Variants in PCDH15 observed in about 807,000 individuals in gnomAD.
PCDH15 encodes the protein protocadherin-15.
In PCDH15, 129 loss-of-function variants were observed where a neutral mutation model predicts 178.5. That is an observed-to-expected ratio of 0.72 (90% CI 0.63 to 0.84). The LOEUF (loss-of-function observed/expected upper bound fraction) is 0.84. Among genes scored for constraint, PCDH15 ranks in the 40% least tolerant of loss-of-function variants. The pLI, the probability that PCDH15 is intolerant of heterozygous loss-of-function variation, is 0.00. For missense variants in PCDH15, 2,230 were observed against 2,099.9 expected (o/e 1.06, Z -1.21); for synonymous variants, 800 against 732.0 (o/e 1.09, Z -1.50).
Position 54,881,931 on chromosome 10 carries a change from G to A in PCDH15, c.-29+15519C>T, listed in dbSNP as rs1954269485. 2.0e-5 allele frequency among the ~76,000 whole-genome samples: 3 copies of A among 152,102 alleles called. No individual in the cohort carries two copies. The South Asian group carries it at 6.2e-4, about 31-fold the overall frequency. ...TTTAAATATTATATACAGCGCAGTA[G>A]TAATATATATTTGAAAATATCAGTA... On this transcript the variant is annotated intron_variant, in intron 3 of 5. Transcript: ENST00000458638.
chr10:53,936,796 T>G (rs2134032946), intron 25 of PCDH15, among the ~76,000 whole-genome samples: 1 of 152,238 alleles, frequency 6.6e-6, no homozygotes, highest in South Asian at 2.1e-4. Flanking sequence ...TTTATTATCC[T>G]TATTCAAATG....
At chr10:55,090,261 ATTAAAC>A (rs933555695) in intron 2 of PCDH15, among the ~76,000 whole-genome samples, 10 of 152,090 alleles carry the variant, frequency 6.6e-5, no homozygotes, top group Non-Finnish European at 1.3e-4. Flanking sequence ...GGTCTTCAGT[ATTAAAC>A]TTAAAAAATA....
chr10:54,638,843 C>T (rs552186525), intron 2 of PCDH15, among the ~76,000 whole-genome samples: 1 of 152,158 alleles, frequency 6.6e-6, no homozygotes, highest in African/African-American at 2.4e-5. Flanking sequence ...CACCACGGAA[C>T]ACCGCTCAGC....
chr10:53,827,451 G>A lies in PCDH15; in HGVS notation c.4309C>T (p.Pro1437Ser). 6.2e-7 allele frequency: 1 copy of A among 1,613,464 alleles called. No homozygotes were observed. The highest frequency in any genetic ancestry group is 8.5e-7 in the Non-Finnish European group (1 of 1,179,630). The change falls in exon 32 of 38, where the codon CCG becomes TCG. Residue 1437 changes from proline (P) to serine (S), a missense_variant. By Grantham distance (74) the Pro-to-Ser change is moderately conservative. Transcript: ENST00000644397. ...GCACCTGGCGGAGGCGGCGGCGGCG[G>A]CGGGGGCGCTGCCACTGGTGCAGGA... Reference protein sequence around the residue: ...PAPAPVAAPPPPPPPPPGAHL... With the variant: ...PAPAPVAAPPSPPPPPPGAHL...
chr10:54,327,733 T>A (rs1336532574), intron 7 of PCDH15, among the ~76,000 whole-genome samples: 1 of 151,644 alleles, frequency 6.6e-6, no homozygotes, highest in Non-Finnish European at 1.5e-5. Flanking sequence ...TCCCCTGCTA[T>A]CTATCTGTTC....
At chr10:54,544,208 A>G (rs1411429734) in intron 2 of PCDH15, among the ~76,000 whole-genome samples, 1 of 152,186 alleles carries the variant, frequency 6.6e-6, no homozygotes, top group Non-Finnish European at 1.5e-5. Context: ...CACATGCTGA[A>G]GTATGCATAT....
chr10:54,346,570 T>C, intron 5 of PCDH15, 86 bp from the exon 6 acceptor site: 1 of 1,512,962 alleles, frequency 6.6e-7, no homozygotes, highest in Non-Finnish European at 9.1e-7. Context: ...CAGCTCTTTA[T>C]TACCTAAAGG....
chr10:53,883,445 C>T (rs1170696268), intron 26 of PCDH15, among the ~76,000 whole-genome samples: 1 of 151,336 alleles, frequency 6.6e-6, no homozygotes, highest in Non-Finnish European at 1.5e-5. Flanking sequence ...TTTTCTTATT[C>T]GTTAAATCTT....
At chr10:55,364,750 G>A (rs1474011919) in intron 2 of PCDH15, among the ~76,000 whole-genome samples, 1 of 152,020 alleles carries the variant, frequency 6.6e-6, no homozygotes, top group African/African-American at 2.4e-5. Flanking sequence ...CTAAAGTTGT[G>A]CTAAATTTCC....
intron 2 of PCDH15, among the ~76,000 whole-genome samples, chr10:54,968,710 A>G (rs534573818): frequency 1.7e-3 from 262 of 152,270 alleles, no homozygotes; most frequent in African/African-American, 5.8e-3. Flanking sequence ...CCATTGTGTC[A>G]TAAAATACTT....
At chr10:54,885,364 C>T (rs1337408867) in intron 3 of PCDH15, among the ~76,000 whole-genome samples, 1 of 151,886 alleles carries the variant, frequency 6.6e-6, no homozygotes, top group Admixed American at 6.6e-5. Flanking sequence ...TATAATATTG[C>T]CACATCAAAA....
chr10:53,949,102 A>G (rs1252180928), intron 23 of PCDH15, among the ~76,000 whole-genome samples: 3 of 152,214 alleles, frequency 2.0e-5, no homozygotes, highest in Non-Finnish European at 1.5e-5. Context: ...ACTCTGCTAC[A>G]TGAGCAAATG....
intron 2 of PCDH15, among the ~76,000 whole-genome samples, chr10:54,595,662 G>T (rs539703862): frequency 9.2e-5 from 14 of 152,150 alleles, no homozygotes; most frequent in African/African-American, 3.4e-4. Context: ...ATTGAGTTTT[G>T]GGAGAATGTT....
intron 21 of PCDH15, among the ~76,000 whole-genome samples, chr10:53,990,851 G>A (rs1196370516): frequency 6.6e-6 from 1 of 152,082 alleles, no homozygotes; most frequent in African/African-American, 2.4e-5. Context: ...CATGGTGCTT[G>A]TGGGCCAGCA....
intron 2 of PCDH15, among the ~76,000 whole-genome samples, chr10:55,600,656 C>T (rs1052559452): frequency 1.3e-5 from 2 of 151,962 alleles, no homozygotes; most frequent in South Asian, 4.2e-4. Context: ...CCAGAGCAAT[C>T]CAGGTTGGTT....
rs2094283157 is a variant in PCDH15 at position 54,073,362 on chromosome 10, A to G, written c.2091+5969T>C. On this transcript the variant is annotated intron_variant, in intron 17 of 37. Coordinates refer to ENST00000644397, the MANE Select transcript of PCDH15 (RefSeq NM_001384140.1). ...TTTAAAGTTTTACTATTCTATAACC[A>G]TACGTATTGTGTTCTAAAATATTAA... is the stretch of plus-strand genomic sequence containing the variant. Among the ~76,000 whole-genome samples the G allele has an allele frequency of 2.0e-5, 3 of 152,032 alleles. No homozygotes were observed. The South Asian group carries it at 6.2e-4, about 32-fold the overall frequency.
chr10:54,933,788 T>C (rs1564641707), intron 2 of PCDH15, among the ~76,000 whole-genome samples: 1 of 152,166 alleles, frequency 6.6e-6, no homozygotes, highest in Non-Finnish European at 1.5e-5. Flanking sequence ...ACTGCTATTA[T>C]ACTGTGGCAC....
chr10:54,082,863 G>A (rs1428920804), intron 16 of PCDH15, among the ~76,000 whole-genome samples: 1 of 151,346 alleles, frequency 6.6e-6, no homozygotes, highest in Admixed American at 6.6e-5. Context: ...TATCTGGTAA[G>A]AGTCTTATTT....
chr10:54,143,404 A>G (rs1186168372), intron 14 of PCDH15, among the ~76,000 whole-genome samples: 2 of 152,048 alleles, frequency 1.3e-5, no homozygotes, highest in African/African-American at 4.8e-5. Flanking sequence ...TTTTGCTTTG[A>G]TCCTTCTCAA....
Sources: allele counts gnomAD v4.1 joint callset (sites outside exome capture counted in the v4.1 genomes callset), GRCh38; gene constraint gnomAD v4.1.1; transcripts MANE v1.5; gene names NCBI Gene and HGNC (gene_info 2026-07-23, HGNC 2026-07-21).